Variants in CTNNA3 observed in about 807,000 individuals in gnomAD.
The protein encoded by CTNNA3 is catenin alpha 3.
CTNNA3 carries 76 observed loss-of-function variants against 95.7 expected under a neutral mutation model. That is an observed-to-expected ratio of 0.79 (90% CI 0.66 to 0.96). The LOEUF (loss-of-function observed/expected upper bound fraction) is 0.96. Among genes scored for constraint, CTNNA3 ranks in the 40% least tolerant of loss-of-function variants. CTNNA3 has a pLI of 0.00. For missense variants in CTNNA3, 1,191 were observed against 1,089.8 expected (o/e 1.09, Z -1.31); for synonymous variants, 431 against 374.4 (o/e 1.15, Z -1.74).
At chr10:66,010,155 TA>T (rs2078976270) in intron 15 of CTNNA3, among the ~76,000 whole-genome samples, 1 of 152,152 alleles carries the variant, frequency 6.6e-6, no homozygotes, top group Middle Eastern at 3.2e-3. Context: ...TTGTTCATTC[TA>T]AAATTGTTAG....
intron 7 of CTNNA3, among the ~76,000 whole-genome samples, chr10:66,829,447 T>C (rs188877804): frequency 7.6e-4 from 116 of 151,988 alleles, no homozygotes; most frequent in African/African-American, 2.5e-3. Context: ...CATCTCTCTT[T>C]ACTAAAAGTA....
chr10:67,686,341 T>A (rs145718326), intron 1 of CTNNA3, among the ~76,000 whole-genome samples: 2,187 of 152,282 alleles, frequency 0.014, 22 homozygotes, highest in Non-Finnish European at 0.025. Flanking sequence ...TGAACTTTCA[T>A]CGGTATATAG....
At chr10:67,262,188 C>T (rs752658174) in intron 5 of CTNNA3, among the ~76,000 whole-genome samples, 3 of 152,006 alleles carry the variant, frequency 2.0e-5, no homozygotes, top group African/African-American at 7.2e-5. Flanking sequence ...CAAGTTTTCA[C>T]GTATAATAGG....
chr10:66,877,311 T>TG (rs1844664018), intron 7 of CTNNA3, among the ~76,000 whole-genome samples: 1 of 152,124 alleles, frequency 6.6e-6, no homozygotes. Flanking sequence ...GATCAGGGTA[T>TG]GGCGAGGGTT....
intron 1 of CTNNA3, among the ~76,000 whole-genome samples, chr10:67,668,001 A>T (rs1003828885): frequency 3.9e-5 from 6 of 152,274 alleles, no homozygotes; most frequent in Admixed American, 2.6e-4. Context: ...ATATGTATAT[A>T]AATAATTTTG....
At chr10:67,110,725 C>T (rs1175515061) in intron 7 of CTNNA3, among the ~76,000 whole-genome samples, 1 of 151,954 alleles carries the variant, frequency 6.6e-6, no homozygotes, top group Non-Finnish European at 1.5e-5. Context: ...AGAAGACAGG[C>T]CATATTTTAT....
chr10:66,931,192 TAAA>T (rs3056552), intron 7 of CTNNA3, among the ~76,000 whole-genome samples: 8 of 118,710 alleles, frequency 6.7e-5, no homozygotes, highest in Non-Finnish European at 1.0e-4. Flanking sequence ...TGACAACAGT[TAAA>T]AAAAAAAAAA....
chr10:67,303,824 G>A (rs148744876), intron 5 of CTNNA3, among the ~76,000 whole-genome samples: 49 of 152,242 alleles, frequency 3.2e-4, no homozygotes, highest in African/African-American at 1.2e-3. Flanking sequence ...TCTGCTAAGT[G>A]AGGATCTAAC....
At chr10:67,555,044 T>A (rs777678809) in intron 3 of CTNNA3, among the ~76,000 whole-genome samples, 3 of 152,204 alleles carry the variant, frequency 2.0e-5, no homozygotes, top group Non-Finnish European at 2.9e-5. Context: ...TTGTCAGGTT[T>A]GTCAAAGATC....
chr10:67,754,709 T>C (rs2131751852), intron 1 of CTNNA3, among the ~76,000 whole-genome samples: 1 of 152,288 alleles, frequency 6.6e-6, no homozygotes, highest in Middle Eastern at 3.4e-3. Context: ...GATAAAAGTC[T>C]TCTGTACAGC....
At chr10:67,248,714 C>G (rs1198516275) in intron 5 of CTNNA3, among the ~76,000 whole-genome samples, 2 of 152,128 alleles carry the variant, frequency 1.3e-5, no homozygotes, top group Non-Finnish European at 2.9e-5. Context: ...AGGCATGAGC[C>G]ACCACACCTG....
At chr10:66,262,074 A>G (rs985541000) in intron 13 of CTNNA3, among the ~76,000 whole-genome samples, 1 of 152,002 alleles carries the variant, frequency 6.6e-6, no homozygotes, top group Non-Finnish European at 1.5e-5. Flanking sequence ...AAAACCTATT[A>G]TGGTTACTTG....
chr10:66,173,660 G>A (rs1267556940), intron 13 of CTNNA3, among the ~76,000 whole-genome samples: 1 of 152,000 alleles, frequency 6.6e-6, no homozygotes, highest in African/African-American at 2.4e-5. Context: ...TCCAGTATGG[G>A]CAACAGACAG....
intron 12 of CTNNA3, among the ~76,000 whole-genome samples, chr10:66,364,175 AAT>A (rs957327252): frequency 1.4e-4 from 21 of 149,464 alleles, no homozygotes; most frequent in South Asian, 4.2e-4. Context: ...ATATATATAT[AAT>A]ATATATATAT....
At chr10:66,623,664 C>T (rs1242607951) in intron 9 of CTNNA3, among the ~76,000 whole-genome samples, 2 of 152,060 alleles carry the variant, frequency 1.3e-5, no homozygotes, top group African/African-American at 4.8e-5. Flanking sequence ...TATGCCTGCA[C>T]ATACTTGAAC....
intron 11 of CTNNA3, among the ~76,000 whole-genome samples, chr10:66,424,707 T>C (rs1377012364): frequency 6.6e-6 from 1 of 152,178 alleles, no homozygotes; most frequent in Non-Finnish European, 1.5e-5. Context: ...ACATAATATG[T>C]AGTCAACTTT....
chr10:67,488,366 G>A (rs990660244), intron 5 of CTNNA3, among the ~76,000 whole-genome samples: 1 of 152,110 alleles, frequency 6.6e-6, no homozygotes, highest in African/African-American at 2.4e-5. Context: ...CCTTGCATCA[G>A]CTGATTTCTT....
intron 10 of CTNNA3, among the ~76,000 whole-genome samples, chr10:66,573,851 T>G (rs561701794): frequency 6.6e-6 from 1 of 152,264 alleles, no homozygotes; most frequent in Admixed American, 6.5e-5. Flanking sequence ...AGCATGCCTT[T>G]GGGCATTGGA....
At chr10:66,191,163 A>G (rs1466242644) in intron 13 of CTNNA3, among the ~76,000 whole-genome samples, 1 of 152,150 alleles carries the variant, frequency 6.6e-6, no homozygotes, top group Non-Finnish European at 1.5e-5. Flanking sequence ...TTATATACAT[A>G]TTTTTGAGAA....
Sources: gnomAD v4.1 joint callset for allele counts (sites outside exome capture counted in the v4.1 genomes callset) on GRCh38, gnomAD v4.1.1 for gene constraint, MANE v1.5 for transcripts, NCBI Gene and HGNC (gene_info 2026-07-23, HGNC 2026-07-21) for gene names.